The following HRH1 variants were observed in gnomAD, a reference collection of about 807,000 sequenced individuals.
HRH1 encodes histamine H1 receptor.
Under a neutral mutation model 10.3 loss-of-function variants are expected in HRH1, and 6 were observed. The observed-to-expected ratio is 0.58, with a 90% CI of 0.32 to 1.15. The LOEUF is 1.15. Ranked by LOEUF, HRH1 falls within the 50% of genes most tolerant of loss-of-function variation. The pLI, the probability that HRH1 is intolerant of heterozygous loss-of-function variation, is 0.05. For missense variants in HRH1, 514 were observed against 615.3 expected (o/e 0.84, Z 1.74); for synonymous variants, 242 against 236.7 (o/e 1.02, Z -0.21).
chr3:11,168,709 G>GACACAC lies in HRH1; in HGVS notation c.-36+14156_-36+14157insCACACA, dbSNP rs1937096022. ...TGGCACAAAGCAGACACACAATGAT[G>GACACAC]AGAGGTACTCCTGCTGTGAGGAACC... On this transcript the variant is annotated intron_variant, in intron 1 of 1. Transcript: ENST00000431010. Among the ~76,000 whole-genome samples the GACACAC allele has an allele frequency of 2.0e-5, 3 of 152,244 alleles. No homozygotes were observed. The South Asian group carries it at 6.2e-4, about 32-fold the overall frequency.
At chr3:11,252,630 T>C (rs1007227836) in intron 1 of HRH1, 12 of 152,238 alleles carry the variant, frequency 7.9e-5, no homozygotes, top group African/African-American at 2.7e-4. Flanking sequence ...AATCTATTAC[T>C]GTACTATCTG....
At chr3:11,184,543 C>T (rs1316092866) in intron 1 of HRH1, among the ~76,000 whole-genome samples, 2 of 152,144 alleles carry the variant, frequency 1.3e-5, no homozygotes, top group Non-Finnish European at 2.9e-5. Context: ...TCTTCCCTGT[C>T]ATGTCAGGCA....
intron 1 of HRH1, among the ~76,000 whole-genome samples, chr3:11,179,245 G>A (rs140609946): frequency 0.02 from 3,081 of 152,044 alleles, 51 homozygotes; most frequent in Middle Eastern, 0.037. Context: ...CCAAGATCGC[G>A]CCACTGCACT....
intron 1 of HRH1, among the ~76,000 whole-genome samples, chr3:11,159,518 G>T (rs1017768517): frequency 5.3e-5 from 8 of 152,176 alleles, no homozygotes; most frequent in Non-Finnish European, 1.2e-4. Flanking sequence ...CATGATGCAT[G>T]ACATCGACTT....
At chr3:11,138,359 A>C (rs139663998) in intron 1 of HRH1, among the ~76,000 whole-genome samples, 1,628 of 152,082 alleles carry the variant, frequency 0.011, 9 homozygotes, top group Non-Finnish European at 0.017. Flanking sequence ...CACACACACA[A>C]AAAACAACCC....
chr3:11,236,677 C>G (rs1408435886), intron 1 of HRH1, among the ~76,000 whole-genome samples: 1 of 152,154 alleles, frequency 6.6e-6, no homozygotes, highest in East Asian at 1.9e-4. Context: ...GGAACCAGAT[C>G]GAGTCACACT....
intron 1 of HRH1, among the ~76,000 whole-genome samples, chr3:11,198,901 TATACACAC>T (rs1937784197): frequency 2.3e-5 from 2 of 86,088 alleles, no homozygotes; most frequent in South Asian, 7.6e-4. Context: ...TCTCTCTCTT[TATACACAC>T]ACACACACAC....
At chr3:11,173,840 G>C (rs75276668) in intron 1 of HRH1, among the ~76,000 whole-genome samples, 468 of 152,270 alleles carry the variant, frequency 3.1e-3, no homozygotes, top group African/African-American at 0.011. Context: ...AGGCCAGTGT[G>C]TCTGAGCCAG....
chr3:11,223,995 C>G (rs1010725867), intron 1 of HRH1, among the ~76,000 whole-genome samples: 1 of 152,136 alleles, frequency 6.6e-6, no homozygotes, highest in Non-Finnish European at 1.5e-5. Flanking sequence ...AGGAGGATGG[C>G]CTTTCCCCAT....
intron 1 of HRH1, among the ~76,000 whole-genome samples, chr3:11,216,406 G>A (rs992900972): frequency 6.6e-5 from 10 of 152,184 alleles, no homozygotes; most frequent in Non-Finnish European, 4.4e-5. Context: ...TACACAAAAT[G>A]TGGCGTATTC....
chr3:11,256,598 A>G (rs1360319232), intron 1 of HRH1, among the ~76,000 whole-genome samples: 2 of 151,930 alleles, frequency 1.3e-5, no homozygotes, highest in Non-Finnish European at 2.9e-5. Flanking sequence ...CAGGAGATCA[A>G]AAGGATCCTG....
chr3:11,178,400 G>C (rs1266337912), intron 1 of HRH1, among the ~76,000 whole-genome samples: 1 of 152,200 alleles, frequency 6.6e-6, no homozygotes, highest in East Asian at 1.9e-4. Context: ...TCCCCGTTGG[G>C]TGCCTGGAGG....
intron 1 of HRH1, among the ~76,000 whole-genome samples, chr3:11,219,797 A>C (rs1439662673): frequency 6.6e-6 from 1 of 151,822 alleles, no homozygotes; most frequent in Non-Finnish European, 1.5e-5. Flanking sequence ...GCTGCAAGAC[A>C]CGTCCATTCA....
At position 11,199,880 on chromosome 3, in the gene HRH1, A is replaced by C. The variant is rs570174005; in HGVS notation, c.-36+45326A>C. On this transcript the variant is annotated intron_variant, in intron 1 of 1. Transcript: ENST00000431010. ...GCAGCCATTCCCCTGCCTCCTGGTT[A>C]ATAGAAGCTTCATCTTGTTCAGGTA... is the stretch of plus-strand genomic sequence containing the variant. Among the ~76,000 whole-genome samples, 11 of 152,290 alleles carry C rather than the reference A, an allele frequency of 7.2e-5. 1 individual carries two copies. The South Asian group carries it at 2.3e-3, about 32-fold the overall frequency.
intron 1 of HRH1, among the ~76,000 whole-genome samples, chr3:11,200,607 G>C (rs189315554): frequency 1.3e-5 from 2 of 152,180 alleles, no homozygotes; most frequent in Admixed American, 6.5e-5. Context: ...CCAAGAGCAG[G>C]AACTATGTGC....
chr3:11,218,861 C>A (rs1938603949), intron 1 of HRH1, among the ~76,000 whole-genome samples: 7 of 151,692 alleles, frequency 4.6e-5, no homozygotes, highest in Admixed American at 2.0e-4. Flanking sequence ...CAGGCGTGAG[C>A]CACTGTGCCC....
chr3:11,156,384 C>T (rs954763921), intron 1 of HRH1, among the ~76,000 whole-genome samples: 1 of 152,158 alleles, frequency 6.6e-6, no homozygotes, highest in Non-Finnish European at 1.5e-5. Flanking sequence ...AGTGGTCCTT[C>T]CTGACCCTCA....
intron 1 of HRH1, among the ~76,000 whole-genome samples, chr3:11,215,051 G>A (rs369819533): frequency 6.6e-5 from 10 of 152,282 alleles, no homozygotes; most frequent in African/African-American, 2.4e-4. Flanking sequence ...ATGGCTGATC[G>A]CTTACCATGG....
At chr3:11,137,357 A>C (rs866210201) in exon 1 of HRH1, 1 of 152,476 alleles carries the variant, frequency 6.6e-6, no homozygotes, top group Non-Finnish European at 1.5e-5. Context: ...TACAAGAAGC[A>C]AGCCCTGAGG....
Sources: allele counts gnomAD v4.1 joint callset (sites outside exome capture counted in the v4.1 genomes callset), GRCh38; gene constraint gnomAD v4.1.1; transcripts MANE v1.5; gene names NCBI Gene and HGNC (gene_info 2026-07-23, HGNC 2026-07-21).